The following RYR3 variants were observed in gnomAD, a reference collection of about 807,000 sequenced individuals.
The protein encoded by RYR3 is brain ryanodine receptor-calcium release channel.
In RYR3, 207 loss-of-function variants were observed where a neutral mutation model predicts 584.3. The ratio of observed to expected loss-of-function variants is 0.35; its 90% CI spans 0.32 to 0.40. The LOEUF (loss-of-function observed/expected upper bound fraction) is 0.40, where lower values mean the gene tolerates loss of function less well. Ranked by LOEUF, RYR3 falls within the 10% of genes least tolerant of loss-of-function variation. The probability of loss-of-function intolerance (pLI) is 1.00; values close to 1 mark genes in which losing one functional copy is unlikely to be tolerated. For synonymous variants in RYR3, 2,416 were observed against 2,248.5 expected (o/e 1.07, Z -2.11); for missense variants, 5,616 against 6,089.2 (o/e 0.92, Z 2.59).
chr15:33,312,384 G>A (rs2140443615), intron 1 of RYR3, among the ~76,000 whole-genome samples: 1 of 152,144 alleles, frequency 6.6e-6, no homozygotes, highest in Admixed American at 6.5e-5. Context: ...ATTTGGGGGG[G>A]GTATGGAAGT....
chr15:33,558,349 T>C (rs954001155), intron 10 of RYR3, among the ~76,000 whole-genome samples: 1 of 114,012 alleles, frequency 8.8e-6, no homozygotes, highest in African/African-American at 2.8e-5. Flanking sequence ...ATGCGGTGTT[T>C]GGTTTTTTGT....
intron 60 of RYR3, among the ~76,000 whole-genome samples, chr15:33,765,069 A>G (rs60117297): frequency 0.016 from 2,343 of 147,692 alleles, 57 homozygotes; most frequent in African/African-American, 0.055. Context: ...ACAAGTCCTG[A>G]TGTGAGTGAG....
chr15:33,503,769 AT>A, intron 3 of RYR3, 31 bp downstream of exon 3: 3 of 1,363,534 alleles, frequency 2.2e-6, no homozygotes, highest in Non-Finnish European at 3.1e-6. Context: ...CTAGGTTGGG[AT>A]TGGGGTGCAC....
At chr15:33,643,167 CTT>C (rs1210607289) in intron 27 of RYR3, among the ~76,000 whole-genome samples, 1 of 152,136 alleles carries the variant, frequency 6.6e-6, no homozygotes, top group African/African-American at 2.4e-5. Flanking sequence ...AATGACCACT[CTT>C]ATCCTAGGGA....
intron 96 of RYR3, 130 bp from the exon 97 acceptor site, chr15:33,854,259 C>T: frequency 4.3e-6 from 3 of 695,934 alleles, no homozygotes; most frequent in Middle Eastern, 3.3e-4. Context: ...GGAGCACATA[C>T]AACTTGATAA....
intron 43 of RYR3, among the ~76,000 whole-genome samples, chr15:33,708,426 CTCT>C (rs748964812): frequency 2.0e-5 from 3 of 152,174 alleles, no homozygotes; most frequent in Non-Finnish European, 4.4e-5. Flanking sequence ...AATCGACTGG[CTCT>C]TCTTCTACCC....
At chr15:33,812,773 C>A in intron 72 of RYR3, 90 bp from the exon 73 acceptor site, 2 of 1,287,306 alleles carry the variant, frequency 1.6e-6, no homozygotes, top group South Asian at 1.5e-5. Context: ...AGAGTCTTGA[C>A]TCCTACAGAA....
intron 1 of RYR3, among the ~76,000 whole-genome samples, chr15:33,420,807 G>A (rs182494039): frequency 6.6e-6 from 1 of 152,222 alleles, no homozygotes; most frequent in East Asian, 1.9e-4. Flanking sequence ...ATGGAAGTAG[G>A]AAAGCAAAAA....
chr15:33,782,163 T>G (rs1028843300), intron 65 of RYR3, among the ~76,000 whole-genome samples: 1 of 151,490 alleles, frequency 6.6e-6, no homozygotes, highest in Non-Finnish European at 1.5e-5. Flanking sequence ...AGAGAGAAAC[T>G]GCCTCTGCTC....
chr15:33,345,636 T>C lies in RYR3; in HGVS notation c.51+34540T>C, dbSNP rs939250944. On this transcript the variant is annotated intron_variant, in intron 1 of 103. Transcript: ENST00000634891. ...TCTGCCATGCAGAGTACAGACTTTG[T>C]ATTCTGGGTCCAGCCTGGGTCCCAG... Among the ~76,000 whole-genome samples the C allele has an allele frequency of 1.4e-4, 21 of 152,176 alleles. 2 individuals are homozygous for C. Among genetic ancestry groups the C allele is most frequent in the Admixed American group, 1.3e-3 (20 of 15,278 alleles).
chr15:33,554,675 C>T (rs952549189), intron 10 of RYR3, among the ~76,000 whole-genome samples: 2 of 152,142 alleles, frequency 1.3e-5, no homozygotes, highest in Non-Finnish European at 2.9e-5. Context: ...CAGTACACAC[C>T]CAATGAGAGA....
chr15:33,344,806 A>C (rs1369915185), intron 1 of RYR3, among the ~76,000 whole-genome samples: 1 of 152,220 alleles, frequency 6.6e-6, no homozygotes, highest in African/African-American at 2.4e-5. Flanking sequence ...AGGTGACTTA[A>C]CATAAAAATT....
chr15:33,617,879 T>A (rs932478703), intron 19 of RYR3, among the ~76,000 whole-genome samples: 3 of 152,198 alleles, frequency 2.0e-5, no homozygotes, highest in Non-Finnish European at 4.4e-5. Context: ...TCATAGCCTC[T>A]TTTCTCTTAA....
intron 96 of RYR3, 72 bp from the exon 97 acceptor site, chr15:33,854,317 T>A: frequency 7.6e-7 from 1 of 1,314,150 alleles, no homozygotes. Flanking sequence ...AAAAACTTAC[T>A]TTTTCCCCCT....
intron 48 of RYR3, 26 bp from the exon 49 acceptor site, chr15:33,736,209 T>C (rs768190960): frequency 1.4e-6 from 2 of 1,411,164 alleles, no homozygotes; most frequent in Non-Finnish European, 2.0e-6. Context: ...ATTTTATTTA[T>C]CTACGTTTGT....
intron 1 of RYR3, among the ~76,000 whole-genome samples, chr15:33,444,131 AT>A (rs940274489): frequency 4.0e-5 from 6 of 151,874 alleles, no homozygotes; most frequent in African/African-American, 7.3e-5. Context: ...TTTTGGTGGG[AT>A]TTTTTTTCTC....
intron 1 of RYR3, among the ~76,000 whole-genome samples, chr15:33,410,784 G>A (rs2043348977): frequency 6.6e-6 from 1 of 152,152 alleles, no homozygotes. Flanking sequence ...TCCTAATAAA[G>A]ACATACCCAA....
At chr15:33,784,729 C>T (rs572117402) in intron 65 of RYR3, among the ~76,000 whole-genome samples, 1 of 152,262 alleles carries the variant, frequency 6.6e-6, no homozygotes, top group East Asian at 1.9e-4. Flanking sequence ...TGTCCACGTC[C>T]CTCCACTCAG....
intron 60 of RYR3, among the ~76,000 whole-genome samples, chr15:33,762,888 C>A (rs1170172181): frequency 6.6e-6 from 1 of 152,124 alleles, no homozygotes; most frequent in Non-Finnish European, 1.5e-5. Flanking sequence ...CTACAGTAAC[C>A]AAAACAGCAT....
Sources: allele counts gnomAD v4.1 joint callset (sites outside exome capture counted in the v4.1 genomes callset), GRCh38; gene constraint gnomAD v4.1.1; transcripts MANE v1.5; gene names NCBI Gene and HGNC (gene_info 2026-07-23, HGNC 2026-07-21).